The following PARD3 variants were observed in gnomAD, a reference collection of about 807,000 sequenced individuals.
PARD3 encodes the protein par-3 family cell polarity regulator, also known as partitioning defective 3 homolog.
PARD3 carries 75 observed loss-of-function variants against 155.4 expected under a neutral mutation model. The ratio of observed to expected loss-of-function variants is 0.48; its 90% CI spans 0.40 to 0.58. PARD3 has a LOEUF of 0.58. Among genes scored for constraint, PARD3 ranks in the 20% least tolerant of loss-of-function variants. The pLI is 0.00. For missense variants in PARD3, 1,642 were observed against 1,721.7 expected (o/e 0.95, Z 0.82); for synonymous variants, 576 against 610.5 (o/e 0.94, Z 0.83).
chr10:34,186,357 T>TAAA (rs61694192), intron 22 of PARD3, among the ~76,000 whole-genome samples: 239 of 125,758 alleles, frequency 1.9e-3, no homozygotes, highest in Admixed American at 3.9e-3. Context: ...GAGACCCTCT[T>TAAA]AAAAAAAAAA....
At chr10:34,278,760 C>A (rs904785454) in intron 21 of PARD3, among the ~76,000 whole-genome samples, 1 of 152,186 alleles carries the variant, frequency 6.6e-6, no homozygotes, top group African/African-American at 2.4e-5. Flanking sequence ...ATAAATTACC[C>A]AGTCTCGAGT....
intron 1 of PARD3, among the ~76,000 whole-genome samples, chr10:34,764,155 T>A (rs998207988): frequency 6.6e-6 from 1 of 152,212 alleles, no homozygotes; most frequent in Non-Finnish European, 1.5e-5. Flanking sequence ...ATTGCAGCTT[T>A]ATGATTCTCA....
chr10:34,365,810 A>C (rs1303241360), intron 12 of PARD3, among the ~76,000 whole-genome samples: 1 of 151,780 alleles, frequency 6.6e-6, no homozygotes. Flanking sequence ...CTGGTCTGAA[A>C]CTCCTGACCT....
chr10:34,166,359 T>C (rs1198784334), intron 22 of PARD3, among the ~76,000 whole-genome samples: 1 of 151,942 alleles, frequency 6.6e-6, no homozygotes, highest in Non-Finnish European at 1.5e-5. Flanking sequence ...ACACTTGTAA[T>C]CCCAGCTCTA....
intron 2 of PARD3, among the ~76,000 whole-genome samples, chr10:34,694,935 G>C (rs542598621): frequency 6.6e-6 from 1 of 152,198 alleles, no homozygotes; most frequent in Non-Finnish European, 1.5e-5. Context: ...GCTCACAGCT[G>C]AGGGAAAGAA....
chr10:34,814,730 C>A (rs531126387), intron 1 of PARD3, 146 bp downstream of exon 1: 3 of 647,404 alleles, frequency 4.6e-6, no homozygotes, highest in African/African-American at 3.9e-5. Flanking sequence ...CAGTCCGGGG[C>A]GGGGGGCGCC....
chr10:34,742,157 C>G (rs2095030763), intron 1 of PARD3, among the ~76,000 whole-genome samples: 2 of 152,120 alleles, frequency 1.3e-5, no homozygotes, highest in African/African-American at 4.8e-5. Flanking sequence ...CAAGTTTCCT[C>G]CACTCAATTA....
At chr10:34,706,411 C>T (rs539157859) in intron 1 of PARD3, among the ~76,000 whole-genome samples, 1 of 152,304 alleles carries the variant, frequency 6.6e-6, no homozygotes, top group African/African-American at 2.4e-5. Context: ...CCCCTCCTCC[C>T]AGCCTCTTCT....
At chr10:34,213,038 T>C (rs1325158779) in intron 22 of PARD3, among the ~76,000 whole-genome samples, 1 of 152,254 alleles carries the variant, frequency 6.6e-6, no homozygotes, top group Non-Finnish European at 1.5e-5. Context: ...CCAAGTGTTT[T>C]ATCACATTAT....
chr10:34,354,898 C>G (rs1327783589), intron 14 of PARD3, among the ~76,000 whole-genome samples: 1 of 152,072 alleles, frequency 6.6e-6, no homozygotes, highest in African/African-American at 2.4e-5. Context: ...GAAAAATTTG[C>G]CTGACTGCAG....
intron 20 of PARD3, among the ~76,000 whole-genome samples, chr10:34,313,730 G>A (rs1703743404): frequency 6.6e-6 from 1 of 152,192 alleles, no homozygotes; most frequent in Non-Finnish European, 1.5e-5. Context: ...ACCTGTTGGG[G>A]TAGGAATAGT....
chr10:34,422,902 T>G (rs2075394656), intron 5 of PARD3, among the ~76,000 whole-genome samples: 1 of 152,178 alleles, frequency 6.6e-6, no homozygotes, highest in Non-Finnish European at 1.5e-5. Context: ...AATAGTGCTA[T>G]TATATGACCT....
intron 2 of PARD3, among the ~76,000 whole-genome samples, chr10:34,606,768 G>A (rs2090493944): frequency 6.6e-6 from 1 of 151,492 alleles, no homozygotes; most frequent in South Asian, 2.1e-4. Flanking sequence ...AAGAGATCGA[G>A]ACCATCCTGC....
At chr10:34,274,835 A>C (rs1564539273) in intron 21 of PARD3, among the ~76,000 whole-genome samples, 1 of 152,146 alleles carries the variant, frequency 6.6e-6, no homozygotes, top group African/African-American at 2.4e-5. Flanking sequence ...CTTAAGAAAG[A>C]AAGCTAACAG....
chr10:34,562,669 T>G (rs1013072202), intron 2 of PARD3, among the ~76,000 whole-genome samples: 21 of 152,156 alleles, frequency 1.4e-4, no homozygotes, highest in Non-Finnish European at 2.2e-4. Context: ...CAAAACATAG[T>G]GTCAACCAAA....
intron 19 of PARD3, among the ~76,000 whole-genome samples, chr10:34,330,470 G>A (rs1404421908): frequency 2.0e-5 from 3 of 151,644 alleles, no homozygotes; most frequent in Admixed American, 6.6e-5. Flanking sequence ...TTTAGTTATA[G>A]GAAAGAATGA....
chr10:34,143,473 T>C lies in PARD3; in HGVS notation c.3420-11890A>G, dbSNP rs946047112. 3.1e-4 allele frequency among the ~76,000 whole-genome samples: 47 copies of C among 152,234 alleles called. 1 individual carries two copies. The highest frequency in any genetic ancestry group is 1.8e-3 in the Admixed American group (27 of 15,290). On this transcript the variant is annotated intron_variant, in intron 22 of 24. Transcript: ENST00000374788. ...TAGAAACTAATTATAGAACCATTAT[T>C]TTAATTCTTTAATCATGAAATGATT...
chr10:34,241,022 C>A (rs1953554613), intron 22 of PARD3, among the ~76,000 whole-genome samples: 1 of 152,140 alleles, frequency 6.6e-6, no homozygotes, highest in Non-Finnish European at 1.5e-5. Context: ...CAGATGGGGT[C>A]TCTGCTCTCC....
At chr10:34,517,411 T>C (rs1438891282) in intron 2 of PARD3, among the ~76,000 whole-genome samples, 1 of 152,168 alleles carries the variant, frequency 6.6e-6, no homozygotes, top group African/African-American at 2.4e-5. Flanking sequence ...TTGTTTGCTA[T>C]CACAGCATGC....
Sources: gnomAD v4.1 joint callset for allele counts (sites outside exome capture counted in the v4.1 genomes callset) on GRCh38, gnomAD v4.1.1 for gene constraint, MANE v1.5 for transcripts, NCBI Gene and HGNC (gene_info 2026-07-23, HGNC 2026-07-21) for gene names.